SFRP4: variants seen among roughly 807,000 people sequenced by gnomAD.
SFRP4 encodes the protein secreted frizzled-related protein 4.
In SFRP4, 25 loss-of-function variants were observed where a neutral mutation model predicts 36.3. The observed-to-expected ratio is 0.69, with a 90% CI of 0.50 to 0.96. The LOEUF is 0.96. Among genes scored for constraint, SFRP4 ranks in the 40% least tolerant of loss-of-function variants. The probability of loss-of-function intolerance (pLI) is 0.00; values close to 1 mark genes in which losing one functional copy is unlikely to be tolerated. For synonymous variants in SFRP4, 182 were observed against 168.8 expected, an observed-to-expected ratio of 1.08 and a Z score of -0.60; for missense variants, 487 against 459.6, an observed-to-expected ratio of 1.06 and a Z score of -0.54.
intron 1 of SFRP4, among the ~76,000 whole-genome samples, chr7:37,915,466 C>A (rs1785559102): frequency 6.6e-6 from 1 of 152,150 alleles, no homozygotes; most frequent in Admixed American, 6.5e-5. Flanking sequence ...TGAATTTAAA[C>A]CTCTCCTTCT....
Position 37,916,648 on chromosome 7 carries a change from G to C in SFRP4, c.-111C>G. 1 of 1,436,644 alleles carries C rather than the reference G, an allele frequency of 7.0e-7. No homozygotes were observed. The highest frequency in any genetic ancestry group is 9.2e-7 in the Non-Finnish European group (1 of 1,084,822). The allele number at this position is 1,436,644 out of a possible 1,614,324, so 89.0% of individuals were successfully genotyped here. On this transcript the variant is annotated 5_prime_UTR_variant, in exon 1 of 6. Transcript: ENST00000436072. The surrounding 1 kb of genome is among the most constrained non-coding windows in gnomAD (Gnocchi z 4.1). ...GAGGAAGAAATCCTCTGGGGCGCAG[G>C]AGAGTTTCTTCCCCCAAACTCCAGT...
chr7:37,907,537 G>A lies in SFRP4; in HGVS notation c.983C>T (p.Pro328Leu). Residue 328 changes from proline to leucine, a missense_variant, in exon 6 of 6, where the codon CCC becomes CTC. Transcript: ENST00000436072. Reference protein sequence around the residue: ...GKPPAPKPASPKKNIKTRSAQ... With the variant: ...GKPPAPKPASLKKNIKTRSAQ... ...ACTCCTAGTTTTAATGTTCTTCTTGGGACTGGCTGGTTTGGGAGCAGGAGG... is the reference window on the plus strand; with the variant it reads ...ACTCCTAGTTTTAATGTTCTTCTTGAGACTGGCTGGTTTGGGAGCAGGAGG... 1.2e-6 allele frequency: 2 copies of A among 1,613,816 alleles called. No individual in the cohort carries two copies. The highest frequency in any genetic ancestry group is 1.1e-5 in the South Asian group (1 of 91,050).
chr7:37,913,105 C>T lies in SFRP4; in HGVS notation c.593-788G>A, dbSNP rs904119331. The stretch of plus-strand genomic sequence containing the variant: ...GACAGTGAAACTCAGATTAATATCT[C>T]AGGCTGGATCTTGGCAGAGGAGGGA... On this transcript the variant is annotated intron_variant, in intron 3 of 5. Coordinates refer to ENST00000436072, the MANE Select transcript of SFRP4 (RefSeq NM_003014.4). Among the ~76,000 whole-genome samples the T allele has an allele frequency of 9.2e-5, 14 of 152,284 alleles. No individual in the cohort carries two copies. In the East Asian group the frequency reaches 9.6e-4, roughly 10 times the overall value.
chr7:37,906,587 A>G lies in SFRP4; in HGVS notation c.*892T>C, dbSNP rs1296934164. ...CATGAAGGCCATTTTTAAGCTTGTC[A>G]AATTATTCTCAGGGTGGATGTCCTG... On this transcript the variant is annotated 3_prime_UTR_variant, in exon 6 of 6. Transcript: ENST00000436072. The G allele has an allele frequency of 6.6e-6, 1 of 152,208 alleles. No homozygotes were observed. The highest frequency in any genetic ancestry group is 1.9e-4 in the East Asian group (1 of 5,198). 9.4% of individuals were successfully genotyped at this position (152,208 alleles called of 1,614,324 possible).
chr7:37,916,710 G>A lies in SFRP4; in HGVS notation c.-173C>T, dbSNP rs1785587420. 9.8e-7 allele frequency: 1 copy of A among 1,016,908 alleles called. No homozygotes were observed. The highest frequency in any genetic ancestry group is 2.6e-5 in the East Asian group (1 of 38,012). 63.0% of individuals were successfully genotyped at this position (1,016,908 alleles called of 1,614,324 possible). A position where few individuals can be genotyped will look rare whatever the true frequency, so the allele number is the denominator to read the frequency against. On this transcript the variant is annotated 5_prime_UTR_variant, in exon 1 of 6. Transcript: ENST00000436072. This position sits in a 1 kb window ranked among gnomAD's most constrained non-coding sequence, Gnocchi z 4.1. The stretch of plus-strand genomic sequence containing the variant: ...CGGGGCCGCGGGGTCCGGCCGCGGA[G>A]CTCCGCCGTCTGGCACACAGGGCAC...
rs1278573831 is a variant in SFRP4, at chr7:37,906,843, T to C, written c.*636A>G. On this transcript the variant is annotated 3_prime_UTR_variant, in exon 6 of 6. Coordinates refer to ENST00000436072, the MANE Select transcript of SFRP4 (RefSeq NM_003014.4). The stretch of plus-strand genomic sequence containing the variant: ...ATTTTTCTTTATTATTATTTTTGTT[T>C]TTAGAGTTTCTAGCTAAAAACAGAG... The C allele has an allele frequency of 6.6e-6, 1 of 152,172 alleles. No homozygotes were observed. The highest frequency in any genetic ancestry group is 2.4e-5 in the African/African-American group (1 of 41,438). The allele number at this position is 152,172 out of a possible 1,614,324, so 9.4% of individuals were successfully genotyped here. A position where few individuals can be genotyped will look rare whatever the true frequency, so the allele number is the denominator to read the frequency against.
chr7:37,909,850 T>C (rs1011998387), intron 4 of SFRP4, 170 bp from the exon 5 acceptor site: 2 of 443,984 alleles, frequency 4.5e-6, no homozygotes, highest in East Asian at 7.2e-5. Flanking sequence ...ATATTAATTA[T>C]ATTTATTAGA....
chr7:37,909,854 T>A, intron 4 of SFRP4, 174 bp from the exon 5 acceptor site: 2 of 437,590 alleles, frequency 4.6e-6, no homozygotes, highest in Non-Finnish European at 8.1e-6. Flanking sequence ...TAATTATATT[T>A]ATTAGATCAC....
rs955990356 is a variant in SFRP4 at position 37,912,320 on chromosome 7, G to A, written c.593-3C>T. The A allele has an allele frequency of 1.9e-6, 3 of 1,611,508 alleles. No individual in the cohort carries two copies. The highest frequency in any genetic ancestry group is 1.7e-6 in the Non-Finnish European group (2 of 1,177,900). Reference sequence around the variant, plus strand: ...AGCTTTTATTTTGGCATGAATAACTGCAATTTAAAAATAGATAAAAGTGTT... The same window carrying A: ...AGCTTTTATTTTGGCATGAATAACTACAATTTAAAAATAGATAAAAGTGTT... On this transcript the variant is annotated splice_region_variant and splice_polypyrimidine_tract_variant and intron_variant, in intron 3 of 5. Transcript: ENST00000436072.
rs780084181 is a variant in SFRP4, at chr7:37,916,213, C to G, written c.325G>C (p.Glu109Gln). ...SVCQRARDDCEPLMKMYNHSW... is the reference protein window; with the variant it reads ...SVCQRARDDCQPLMKMYNHSW... ...TGGTTGTACATCTTCATGAGGGGCT[C>G]GCAGTCGTCGCGCGCGCGTTGGCAC... The change falls in exon 1 of 6, where the codon GAG (glutamate) becomes CAG (glutamine). Residue 109 changes from glutamate to glutamine, a missense_variant. Glu to Gln is a conservative substitution (Grantham distance 29, BLOSUM62 2). Coordinates refer to ENST00000436072, the MANE Select transcript of SFRP4 (RefSeq NM_003014.4). This position sits in a 1 kb window ranked among gnomAD's most constrained non-coding sequence, Gnocchi z 4.1. 6.2e-7 allele frequency: 1 copy of G among 1,614,182 alleles called. No individual in the cohort carries two copies. Among genetic ancestry groups the G allele is most frequent in the South Asian group, 1.1e-5 (1 of 91,088 alleles).
chr7:37,914,832 T>C lies in SFRP4; in HGVS notation c.446-379A>G, dbSNP rs533778361. The stretch of plus-strand genomic sequence containing the variant: ...GTGAGCTGAGATTGTGCCATTGCAC[T>C]CCAGCCTGGGCAACAGAGTGAGGCT... On this transcript the variant is annotated intron_variant, in intron 1 of 5. Transcript: ENST00000436072. Among the ~76,000 whole-genome samples, 7 of 152,292 alleles carry C rather than the reference T, an allele frequency of 4.6e-5. No individual in the cohort carries two copies. In the South Asian group the frequency reaches 6.2e-4, roughly 14 times the overall value.
intron 1 of SFRP4, among the ~76,000 whole-genome samples, chr7:37,914,877 C>G (rs553087364): frequency 7.2e-5 from 11 of 152,080 alleles, no homozygotes; most frequent in Non-Finnish European, 1.5e-4. Flanking sequence ...AAAAAGAAAA[C>G]AAGACAAAAA....
Position 37,916,162 on chromosome 7 carries a change from C to A in SFRP4, c.376G>T (p.Asp126Tyr), listed in dbSNP as rs1308499091. Reference protein sequence around the residue: ...NHSWPESLACDELPVYDRGVC... With the variant: ...NHSWPESLACYELPVYDRGVC... ...CCACGGTCATAGACAGGCAGCTCGT[C>A]GCAGGCCAGGCTTTCGGGCCAGCTG... Residue 126 changes from aspartate to tyrosine, a missense_variant, in exon 1 of 6, where the codon GAC (aspartate) becomes TAC (tyrosine). Transcript: ENST00000436072. The surrounding 1 kb of genome is among the most constrained non-coding windows in gnomAD (Gnocchi z 4.1). 6.2e-7 allele frequency: 1 copy of A among 1,614,098 alleles called. No homozygotes were observed.
At chr7:37,915,852 G>C (rs112067161) in intron 1 of SFRP4, among the ~76,000 whole-genome samples, 1 of 147,056 alleles carries the variant, frequency 6.8e-6, no homozygotes, top group Non-Finnish European at 1.5e-5. Context: ...ATCATCGAAG[G>C]CTCCCTTTGT....
chr7:37,916,064 G>C lies in SFRP4; in HGVS notation c.445+29C>G, dbSNP rs1562851839. ...CAGCCACAGCCCCGGGCGCCTCCTCGCCTCCCTCCATCCTTCCTACGGCCT... is the reference window on the plus strand; with the variant it reads ...CAGCCACAGCCCCGGGCGCCTCCTCCCCTCCCTCCATCCTTCCTACGGCCT... On this transcript the variant is annotated intron_variant, in intron 1 of 5. Coordinates refer to ENST00000436072, the MANE Select transcript of SFRP4 (RefSeq NM_003014.4). The surrounding 1 kb of genome is among the most constrained non-coding windows in gnomAD (Gnocchi z 4.1). The C allele has an allele frequency of 6.3e-7, 1 of 1,588,584 alleles. No individual in the cohort carries two copies. The highest frequency in any genetic ancestry group is 1.7e-5 in the Admixed American group (1 of 58,908).
At position 37,914,375 on chromosome 7, in the gene SFRP4, G is replaced by A. The variant is rs1187904199; in HGVS notation, c.524C>T (p.Pro175Leu). Reference sequence around the variant, plus strand: ...ACGTCCATGAAGAAAGAACTCACCGGGGCTTAGGCGTTTACAGTCAACATC... The same window carrying A: ...ACGTCCATGAAGAAAGAACTCACCGAGGCTTAGGCGTTTACAGTCAACATC... ...PLDVDCKRLSPDRCKCKKVKP... is the reference protein window; with the variant it reads ...PLDVDCKRLSLDRCKCKKVKP... Residue 175 changes from proline to leucine, a missense_variant and splice_region_variant, in exon 2 of 6, where the codon CCC becomes CTC. By Grantham distance (98) the Pro-to-Leu change is moderately conservative. Transcript: ENST00000436072. The A allele has an allele frequency of 1.9e-6, 3 of 1,613,270 alleles. No individual in the cohort carries two copies. Among genetic ancestry groups the A allele is most frequent in the Non-Finnish European group, 2.5e-6 (3 of 1,179,220 alleles).
In SFRP4 at chr7:37,915,639, G is replaced by A. The variant is rs76137868; in HGVS notation, c.445+454C>T. ...TTACAAATCTCACTCCTGGTGGGAA[G>A]CAATGACCGTTACTGCTTTTTCAGA... On this transcript the variant is annotated intron_variant, in intron 1 of 5. Transcript: ENST00000436072. Among the ~76,000 whole-genome samples the A allele has an allele frequency of 4.1e-3, 607 of 149,656 alleles. 4 individuals are homozygous for A. The highest frequency in any genetic ancestry group is 0.013 in the African/African-American group (541 of 40,348).
intron 4 of SFRP4, 37 bp downstream of exon 4, chr7:37,912,082 A>G (rs1333764258): frequency 6.7e-7 from 1 of 1,489,248 alleles, no homozygotes; most frequent in Non-Finnish European, 9.4e-7. Flanking sequence ...TCTTCCTAAC[A>G]GTGTGCATAC....
chr7:37,912,016 G>T (rs1425070070), intron 4 of SFRP4, 103 bp downstream of exon 4: 6 of 829,576 alleles, frequency 7.2e-6, no homozygotes, highest in Non-Finnish European at 1.1e-5. Context: ...TTTTTAAAAA[G>T]ACTTTGGCAT....
Sources: gnomAD v4.1 joint callset for allele counts (sites outside exome capture counted in the v4.1 genomes callset) on GRCh38, gnomAD v4.1.1 for gene constraint, Gnocchi (gnomAD v3.1) non-coding constraint, MANE v1.5 for transcripts, NCBI Gene and HGNC (gene_info 2026-07-23, HGNC 2026-07-21) for gene names.